The following NAV3 variants were observed in gnomAD, a reference collection of about 807,000 sequenced individuals.
NAV3 encodes the protein neuron navigator 3, also known as pore membrane and/or filament interacting like protein 1.
Under a neutral mutation model 244.7 loss-of-function variants are expected in NAV3, and 87 were observed. The observed-to-expected ratio is 0.36, with a 90% CI of 0.30 to 0.42. The LOEUF (loss-of-function observed/expected upper bound fraction) is 0.42, where lower values mean the gene tolerates loss of function less well. NAV3 is among the 20% of genes least tolerant of loss of function. NAV3 has a pLI of 1.00. For synonymous variants in NAV3, 1,126 were observed against 1,042.2 expected (o/e 1.08, Z -1.55); for missense variants, 2,663 against 2,893.3 (o/e 0.92, Z 1.83).
chr12:77,786,584 T>C (rs117612761), intron 2 of NAV3, among the ~76,000 whole-genome samples: 20 of 152,262 alleles, frequency 1.3e-4, no homozygotes, highest in Admixed American at 4.6e-4. Context: ...ATAAGCATAA[T>C]TTCTTTTAAC....
At chr12:77,580,080 A>G (rs1038350950) in intron 2 of NAV3, among the ~76,000 whole-genome samples, 1 of 152,060 alleles carries the variant, frequency 6.6e-6, no homozygotes, top group African/African-American at 2.4e-5. Flanking sequence ...CTAGTGTTGA[A>G]TGGCTTCCTA....
intron 2 of NAV3, among the ~76,000 whole-genome samples, chr12:77,723,972 T>A (rs1260974251): frequency 6.6e-6 from 1 of 151,714 alleles, no homozygotes; most frequent in Non-Finnish European, 1.5e-5. Context: ...TACATTTGAG[T>A]TTTTGTATTT....
intron 9 of NAV3, among the ~76,000 whole-genome samples, chr12:78,037,992 C>G (rs1002716795): frequency 6.6e-6 from 1 of 152,174 alleles, no homozygotes; most frequent in African/African-American, 2.4e-5. Flanking sequence ...TCTGCATGTG[C>G]ACATTATAAG....
intron 12 of NAV3, among the ~76,000 whole-genome samples, chr12:78,100,179 A>G (rs1282624089): frequency 6.6e-6 from 1 of 151,958 alleles, no homozygotes; most frequent in African/African-American, 2.4e-5. Flanking sequence ...AAAGACTTTA[A>G]CCTTATGTTT....
intron 2 of NAV3, chr12:77,783,469 G>A (rs931030922): frequency 6.6e-6 from 1 of 152,126 alleles, no homozygotes; most frequent in African/African-American, 2.4e-5. Flanking sequence ...GTGCACAGAG[G>A]GCATGTGGAG....
intron 5 of NAV3, among the ~76,000 whole-genome samples, chr12:77,982,649 G>A (rs1378268791): frequency 6.6e-6 from 1 of 152,176 alleles, no homozygotes; most frequent in Non-Finnish European, 1.5e-5. Flanking sequence ...GCACAAAACA[G>A]TAACCATTTT....
chr12:78,066,263 A>C (rs1885011175), intron 12 of NAV3, among the ~76,000 whole-genome samples: 1 of 152,138 alleles, frequency 6.6e-6, no homozygotes, highest in Non-Finnish European at 1.5e-5. Flanking sequence ...AATGAAAGGA[A>C]GGGGATCAAA....
chr12:77,582,615 C>T (rs563849399), intron 2 of NAV3, among the ~76,000 whole-genome samples: 1 of 152,316 alleles, frequency 6.6e-6, no homozygotes, highest in African/African-American at 2.4e-5. Flanking sequence ...CATCAACAGT[C>T]CACACAGGTA....
chr12:78,097,208 CAT>C (rs1258678187), intron 12 of NAV3, among the ~76,000 whole-genome samples: 3 of 152,188 alleles, frequency 2.0e-5, no homozygotes, highest in Non-Finnish European at 4.4e-5. Context: ...CAGGCAAGGT[CAT>C]ATCACCAGCA....
intron 22 of NAV3, among the ~76,000 whole-genome samples, chr12:78,154,964 G>A (rs776205245): frequency 1.3e-5 from 2 of 152,026 alleles, no homozygotes; most frequent in South Asian, 4.2e-4. Flanking sequence ...TTCTAAAGTA[G>A]CAATGTTAAT....
At chr12:78,041,777 T>C (rs117879235) in intron 9 of NAV3, among the ~76,000 whole-genome samples, 1 of 152,196 alleles carries the variant, frequency 6.6e-6, no homozygotes, top group African/African-American at 2.4e-5. Flanking sequence ...ACATTTGTTA[T>C]AGATTTTTAA....
intron 12 of NAV3, among the ~76,000 whole-genome samples, chr12:78,089,457 A>G (rs952223455): frequency 6.6e-6 from 1 of 152,174 alleles, no homozygotes; most frequent in Non-Finnish European, 1.5e-5. Flanking sequence ...AAACTAATCT[A>G]TAAAGCCCCT....
At position 77,873,685 on chromosome 12, in the gene NAV3, A is replaced by G. The variant is rs1452571947; in HGVS notation, c.243+41981A>G. 4.3e-3 allele frequency among the ~76,000 whole-genome samples: 424 copies of G among 98,190 alleles called. 11 individuals carry two copies. The highest frequency in any genetic ancestry group is 0.015 in the African/African-American group (324 of 21,098). The allele number at this position is 98,190 out of a possible 152,430, so 64.4% of individuals were successfully genotyped here. A position where few individuals can be genotyped will look rare whatever the true frequency, so the allele number is the denominator to read the frequency against. On this transcript the variant is annotated intron_variant, in intron 1 of 39. Transcript: ENST00000397909. ...ATATACATGATTTGTATGTGTATAT[A>G]TATATATATATATATATATATATAC...
At chr12:77,910,085 A>G (rs1490977197) in intron 1 of NAV3, among the ~76,000 whole-genome samples, 1 of 152,080 alleles carries the variant, frequency 6.6e-6, no homozygotes, top group African/African-American at 2.4e-5. Flanking sequence ...ATTAGATAGG[A>G]AATTTGGGTA....
chr12:78,147,209 A>G (rs1406532615), intron 21 of NAV3, among the ~76,000 whole-genome samples: 1 of 152,078 alleles, frequency 6.6e-6, no homozygotes, highest in African/African-American at 2.4e-5. Context: ...TGTCTTTATA[A>G]TCTCTGAACC....
intron 3 of NAV3, among the ~76,000 whole-genome samples, chr12:77,947,994 G>C (rs552940972): frequency 2.6e-5 from 4 of 152,010 alleles, no homozygotes; most frequent in Non-Finnish European, 5.9e-5. Context: ...AATTCTCAAG[G>C]CCTCTGCTCA....
chr12:77,834,039 A>G (rs536092898), intron 1 of NAV3, among the ~76,000 whole-genome samples: 2 of 151,404 alleles, frequency 1.3e-5, no homozygotes, highest in East Asian at 2.0e-4. Flanking sequence ...GTTCCTCTCG[A>G]TGTCCAGCCA....
At chr12:78,067,469 A>G (rs1885154738) in intron 12 of NAV3, among the ~76,000 whole-genome samples, 1 of 152,096 alleles carries the variant, frequency 6.6e-6, no homozygotes. Flanking sequence ...TTGCAAGAAT[A>G]TGAACAGGTT....
At chr12:77,874,010 G>A (rs1881474057) in intron 1 of NAV3, among the ~76,000 whole-genome samples, 1 of 151,386 alleles carries the variant, frequency 6.6e-6, no homozygotes, top group South Asian at 2.1e-4. Flanking sequence ...ATTGTCATAG[G>A]AGAATGAATC....
Sources: allele counts gnomAD v4.1 joint callset (sites outside exome capture counted in the v4.1 genomes callset), GRCh38; gene constraint gnomAD v4.1.1; transcripts MANE v1.5; gene names NCBI Gene and HGNC (gene_info 2026-07-23, HGNC 2026-07-21).